The following SLC37A1 variants were observed in gnomAD, a reference collection of about 807,000 sequenced individuals.
SLC37A1 encodes solute carrier family 37 member 1, also known as glucose-6-phosphate exchanger SLC37A1.
A neutral mutation model predicts 75.3 loss-of-function variants in SLC37A1; 49 were observed. The observed-to-expected ratio is 0.65, with a 90% CI of 0.52 to 0.83. The LOEUF (loss-of-function observed/expected upper bound fraction) is 0.83. Among genes scored for constraint, SLC37A1 ranks in the 40% least tolerant of loss-of-function variants. SLC37A1 has a pLI of 0.00. For synonymous variants in SLC37A1, 268 were observed against 292.1 expected (o/e 0.92, Z 0.84); for missense variants, 566 against 695.0 (o/e 0.81, Z 2.09).
chr21:42,542,074 C>G (rs2055295916), intron 6 of SLC37A1, among the ~76,000 whole-genome samples: 1 of 152,134 alleles, frequency 6.6e-6, no homozygotes, highest in East Asian at 1.9e-4. Context: ...TCAAAAGAGA[C>G]CGGGAAGCTT....
chr21:42,568,333 T>C, intron 16 of SLC37A1, 27 bp from the exon 17 acceptor site: 3 of 1,595,346 alleles, frequency 1.9e-6, no homozygotes, highest in Non-Finnish European at 2.6e-6. Context: ...TGGCGATAAC[T>C]GCACGTCTGT....
rs141924432 is a variant in SLC37A1, at chr21:42,546,955, C to T, written c.731-148C>T. On this transcript the variant is annotated intron_variant, in intron 8 of 19. Transcript: ENST00000352133. ...GCTTTTGTTTTTGTGGCAAGAGCAG[C>T]TCAAATCCACTCATTTAATGTGAAT... 1.7e-4 allele frequency: 155 copies of T among 914,512 alleles called. No homozygotes were observed. The African/African-American group carries it at 2.3e-3, about 14-fold the overall frequency. The allele number at this position is 914,512 out of a possible 1,614,324, so 56.6% of individuals were successfully genotyped here. A position where few individuals can be genotyped will look rare whatever the true frequency, so the allele number is the denominator to read the frequency against.
At chr21:42,499,827 A>G (rs1214930258) in intron 1 of SLC37A1, 1 of 152,342 alleles carries the variant, frequency 6.6e-6, no homozygotes, top group Non-Finnish European at 1.5e-5. Context: ...AAAAAGAAGA[A>G]AAACAGTCCC....
chr21:42,540,382 A>T (rs1210784175), intron 6 of SLC37A1, among the ~76,000 whole-genome samples: 1 of 152,184 alleles, frequency 6.6e-6, no homozygotes, highest in Non-Finnish European at 1.5e-5. Flanking sequence ...GTCCAAGCCT[A>T]CAAAGGAAAA....
At chr21:42,563,586 G>T (rs914803179) in intron 12 of SLC37A1, among the ~76,000 whole-genome samples, 1 of 152,248 alleles carries the variant, frequency 6.6e-6, no homozygotes, top group Non-Finnish European at 1.5e-5. Context: ...TGAACCAAAG[G>T]TGGGATAATT....
chr21:42,511,034 T>C (rs2054428151), upstream of SLC37A1, among the ~76,000 whole-genome samples: 1 of 152,222 alleles, frequency 6.6e-6, no homozygotes, highest in East Asian at 1.9e-4. Flanking sequence ...CCCCAGCAGC[T>C]GAATGCACAT....
chr21:42,560,390 C>T (rs2055801456), intron 11 of SLC37A1: 1 of 152,412 alleles, frequency 6.6e-6, no homozygotes, highest in Non-Finnish European at 1.5e-5. Flanking sequence ...AGGCCGTGCT[C>T]TCCAGCACTG....
rs1161313598 is a variant in SLC37A1, at chr21:42,530,654, A to ACACACCCCCCC, written c.139-4043_139-4042insACACCCCCCCC. Among the ~76,000 whole-genome samples, 15 of 35,894 alleles carry ACACACCCCCCC rather than the reference A, an allele frequency of 4.2e-4. 1 individual carries two copies. The highest frequency in any genetic ancestry group is 1.5e-3 in the South Asian group (2 of 1,298). The allele number at this position is 35,894 out of a possible 152,430, so 23.5% of individuals were successfully genotyped here. On this transcript the variant is annotated intron_variant, in intron 3 of 19. Transcript: ENST00000352133. Reference sequence around the variant, plus strand: ...CACACACACACACACACACACACACACCCCCTCTGTGTTGGCTGAAGGTGG... The same window carrying ACACACCCCCCC: ...CACACACACACACACACACACACACACACACCCCCCCCCCCCTCTGTGTTGGCTGAAGGTGG...
chr21:42,555,201 T>G (rs1030105723), intron 10 of SLC37A1, among the ~76,000 whole-genome samples: 1 of 152,056 alleles, frequency 6.6e-6, no homozygotes, highest in Non-Finnish European at 1.5e-5. Flanking sequence ...TTGGCCAGGC[T>G]AGTCTTGAAC....
At chr21:42,541,617 ATGAT>A (rs1241205547) in intron 6 of SLC37A1, among the ~76,000 whole-genome samples, 1 of 152,250 alleles carries the variant, frequency 6.6e-6, no homozygotes, top group Non-Finnish European at 1.5e-5. Flanking sequence ...ATTCCAGAGA[ATGAT>A]TAACAACAGT....
chr21:42,515,769 AT>A (rs1271736174), intron 1 of SLC37A1, among the ~76,000 whole-genome samples: 1 of 151,868 alleles, frequency 6.6e-6, no homozygotes, highest in African/African-American at 2.4e-5. Flanking sequence ...ATCTTTTTAT[AT>A]TTTTTTAAGA....
intron 2 of SLC37A1, among the ~76,000 whole-genome samples, chr21:42,503,487 G>A (rs2054359042): frequency 6.6e-6 from 1 of 152,062 alleles, no homozygotes; most frequent in South Asian, 2.1e-4. Context: ...TGGATCAAGA[G>A]ATCCACTCAC....
At chr21:42,557,443 A>G (rs937271745) in intron 10 of SLC37A1, among the ~76,000 whole-genome samples, 2 of 152,392 alleles carry the variant, frequency 1.3e-5, no homozygotes, top group South Asian at 4.1e-4. Flanking sequence ...TCAAGTCGCC[A>G]TTCTTTGCTT....
chr21:42,521,951 AGCAGGGCCACACTTCCTCT>A (rs1219284061), intron 2 of SLC37A1, among the ~76,000 whole-genome samples: 1 of 152,214 alleles, frequency 6.6e-6, no homozygotes, highest in Non-Finnish European at 1.5e-5. Flanking sequence ...TCAAAGTGTC[AGCAGGGCCACACTTCCTCT>A]GCAGGCTCCG....
At position 42,581,360 on chromosome 21, in the gene SLC37A1, T is replaced by C. The variant is rs2056417793; in HGVS notation, c.*1000T>C. On this transcript the variant is annotated 3_prime_UTR_variant, in exon 20 of 20. Transcript: ENST00000352133. ...ACAAACTCCAATTGTTCTCTGGCTG[T>C]TTTTTTCAGTTGTGTCTAGCAAAAT... 6.6e-6 allele frequency: 1 copy of C among 152,662 alleles called. No homozygotes were observed. The highest frequency in any genetic ancestry group is 6.5e-5 in the Admixed American group (1 of 15,284). The allele number at this position is 152,662 out of a possible 1,614,324, so 9.5% of individuals were successfully genotyped here. A position where few individuals can be genotyped will look rare whatever the true frequency, so the allele number is the denominator to read the frequency against.
rs1225269594 is a variant in SLC37A1, at chr21:42,552,769, C to T, written c.769-1293C>T. ...AATTTTAAGATAGGCTTTGCCTGAG[C>T]ACCCACGTTCCTGGCTGAAAAGCAG... On this transcript the variant is annotated intron_variant, in intron 9 of 19. Transcript: ENST00000352133. This position sits in a 1 kb window ranked among gnomAD's most constrained non-coding sequence, Gnocchi z 4.2. Among the ~76,000 whole-genome samples, 2 of 152,174 alleles carry T rather than the reference C, an allele frequency of 1.3e-5. No homozygotes were observed. Among genetic ancestry groups the T allele is most frequent in the African/African-American group, 4.8e-5 (2 of 41,430 alleles).
intron 1 of SLC37A1, among the ~76,000 whole-genome samples, chr21:42,501,713 C>CT (rs2054343621): frequency 6.6e-6 from 1 of 152,190 alleles, no homozygotes; most frequent in Non-Finnish European, 1.5e-5. Context: ...GAGTGAAACT[C>CT]TATCTCAAAA....
At chr21:42,538,876 T>C (rs1263227958) in intron 5 of SLC37A1, among the ~76,000 whole-genome samples, 1 of 152,212 alleles carries the variant, frequency 6.6e-6, no homozygotes, top group Non-Finnish European at 1.5e-5. Flanking sequence ...GGTAGCTGTT[T>C]AGTGAATCGC....
Position 42,574,928 on chromosome 21 carries a change from AT to A in SLC37A1, c.1521+18del. 1 of 1,613,850 alleles carries A rather than the reference AT, an allele frequency of 6.2e-7. No individual in the cohort carries two copies. The highest frequency in any genetic ancestry group is 8.5e-7 in the Non-Finnish European group (1 of 1,179,860). On this transcript the variant is annotated intron_variant, in intron 18 of 19. Coordinates refer to ENST00000352133, the MANE Select transcript of SLC37A1 (RefSeq NM_001320537.2). ...CTGTGCCTTACTGGTAAGTCGGCCTATTTTTAGTCCAATCCACCTTGAATGC... is the reference window on the plus strand; with the variant it reads ...CTGTGCCTTACTGGTAAGTCGGCCTATTTTAGTCCAATCCACCTTGAATGC...
Sources: gnomAD v4.1 joint callset for allele counts (sites outside exome capture counted in the v4.1 genomes callset) on GRCh38, gnomAD v4.1.1 for gene constraint, Gnocchi (gnomAD v3.1) non-coding constraint, MANE v1.5 for transcripts, NCBI Gene and HGNC (gene_info 2026-07-23, HGNC 2026-07-21) for gene names.